The following RGS7 variants were observed in gnomAD, a reference collection of about 807,000 sequenced individuals.
RGS7 encodes regulator of G-protein signaling 7.
Under a neutral mutation model 81.1 loss-of-function variants are expected in RGS7, and 27 were observed. The observed-to-expected ratio is 0.33, with a 90% CI of 0.25 to 0.46. The LOEUF (loss-of-function observed/expected upper bound fraction) is 0.46, where lower values mean the gene tolerates loss of function less well. RGS7 is among the 20% of genes least tolerant of loss of function. RGS7 has a pLI of 1.00. For synonymous variants in RGS7, 208 were observed against 207.7 expected (o/e 1.00, Z -0.01); for missense variants, 396 against 607.4 (o/e 0.65, Z 3.66).
At chr1:240,818,715 T>G (rs1186760241) in intron 10 of RGS7, among the ~76,000 whole-genome samples, 1 of 152,148 alleles carries the variant, frequency 6.6e-6, no homozygotes, top group East Asian at 1.9e-4. Context: ...ACCATAGAAT[T>G]ACACTTATAT....
At chr1:241,288,400 G>A (rs930150624) in intron 2 of RGS7, among the ~76,000 whole-genome samples, 13 of 152,172 alleles carry the variant, frequency 8.5e-5, no homozygotes, top group African/African-American at 1.9e-4. Flanking sequence ...CTTCATCTCC[G>A]AGTGGGTATG....
At chr1:241,204,233 CACCCAAGG>C in intron 2 of RGS7, among the ~76,000 whole-genome samples, 1 of 152,304 alleles carries the variant, frequency 6.6e-6, no homozygotes, top group East Asian at 1.9e-4. Flanking sequence ...TCACAGTCAA[CACCCAAGG>C]AGGAGGGTAA....
chr1:241,318,720 C>T (rs2081036012), intron 2 of RGS7, among the ~76,000 whole-genome samples: 1 of 152,194 alleles, frequency 6.6e-6, no homozygotes, highest in South Asian at 2.1e-4. Flanking sequence ...AGGTGATCCA[C>T]CTGCCTCGGC....
intron 6 of RGS7, among the ~76,000 whole-genome samples, chr1:240,903,573 C>T (rs1352240178): frequency 1.3e-5 from 2 of 151,860 alleles, no homozygotes; most frequent in African/African-American, 4.8e-5. Flanking sequence ...TTATTTTCCC[C>T]ACAACAATGC....
At chr1:240,833,323 T>C (rs972016826) in intron 9 of RGS7, among the ~76,000 whole-genome samples, 1 of 152,204 alleles carries the variant, frequency 6.6e-6, no homozygotes, top group East Asian at 1.9e-4. Flanking sequence ...ATCATGCTAC[T>C]CAGAATGGCA....
At chr1:240,865,558 G>T (rs1663088399) in intron 9 of RGS7, among the ~76,000 whole-genome samples, 1 of 152,130 alleles carries the variant, frequency 6.6e-6, no homozygotes, top group African/African-American at 2.4e-5. Context: ...AATACTACAA[G>T]GTACAAAGAG....
chr1:240,959,373 T>C (rs1454205308), intron 4 of RGS7, among the ~76,000 whole-genome samples: 1 of 152,192 alleles, frequency 6.6e-6, no homozygotes, highest in African/African-American at 2.4e-5. Flanking sequence ...ACACCTAGAC[T>C]ATATGGTATA....
intron 3 of RGS7, among the ~76,000 whole-genome samples, chr1:241,057,640 A>T (rs542669574): frequency 1.2e-3 from 180 of 152,206 alleles, no homozygotes; most frequent in Middle Eastern, 6.8e-3. Context: ...ATAGCTGGGC[A>T]TGGTGGCTCA....
chr1:240,915,667 C>T (rs1198149158), intron 6 of RGS7, among the ~76,000 whole-genome samples: 1 of 152,084 alleles, frequency 6.6e-6, no homozygotes, highest in African/African-American at 2.4e-5. Context: ...TTATTTAGTA[C>T]ATCACATCCT....
intron 2 of RGS7, among the ~76,000 whole-genome samples, chr1:241,336,595 C>T (rs570555590): frequency 6.6e-6 from 1 of 152,308 alleles, no homozygotes; most frequent in East Asian, 1.9e-4. Context: ...TTTCTTAACA[C>T]ACAGATGCAC....
At chr1:240,944,222 C>T (rs142680235) in intron 4 of RGS7, among the ~76,000 whole-genome samples, 268 of 143,272 alleles carry the variant, frequency 1.9e-3, no homozygotes, top group African/African-American at 6.8e-3. Context: ...ATAGGTAGTT[C>T]CATCAGCCAA....
chr1:241,015,973 T>A (rs2059198413), intron 3 of RGS7, among the ~76,000 whole-genome samples: 1 of 152,214 alleles, frequency 6.6e-6, no homozygotes, highest in South Asian at 2.1e-4. Flanking sequence ...TTCACTTTAG[T>A]GTGTAATTTA....
At chr1:240,780,421 C>G (rs1347418870) in intron 18 of RGS7, among the ~76,000 whole-genome samples, 1 of 111,634 alleles carries the variant, frequency 9.0e-6, no homozygotes, top group East Asian at 2.8e-4. Flanking sequence ...GCCTGGGCTA[C>G]AGAGTGAGAC....
At chr1:240,832,420 T>C (rs1044450738) in intron 9 of RGS7, among the ~76,000 whole-genome samples, 1 of 152,182 alleles carries the variant, frequency 6.6e-6, no homozygotes. Context: ...TAAAGTAGGA[T>C]TTAACATTGT....
Position 240,943,796 on chromosome 1 carries a change from T to C in RGS7, c.227-7090A>G, listed in dbSNP as rs112889448. On this transcript the variant is annotated intron_variant, in intron 4 of 18. Coordinates refer to ENST00000440928, the MANE Select transcript of RGS7 (RefSeq NM_001364886.1). ...ACAAAACCATACTGTGAATACCAGA[T>C]GCCAATGAGAGACCTGCCTGCTTTA... Among the ~76,000 whole-genome samples, 929 of 152,186 alleles carry C rather than the reference T, an allele frequency of 6.1e-3. 13 individuals carry two copies. The highest frequency in any genetic ancestry group is 0.021 in the African/African-American group (879 of 41,528).
At chr1:241,343,536 T>C (rs1222218393) in intron 2 of RGS7, among the ~76,000 whole-genome samples, 3 of 152,192 alleles carry the variant, frequency 2.0e-5, no homozygotes, top group Non-Finnish European at 4.4e-5. Context: ...TGGATGAACC[T>C]TGAGGACGTT....
chr1:241,221,535 T>C (rs2075014182), intron 2 of RGS7, among the ~76,000 whole-genome samples: 1 of 152,210 alleles, frequency 6.6e-6, no homozygotes, highest in Non-Finnish European at 1.5e-5. Context: ...ACTGTGATAG[T>C]TACTTTTATG....
intron 9 of RGS7, among the ~76,000 whole-genome samples, chr1:240,853,888 A>G (rs552617128): frequency 9.7e-4 from 124 of 127,336 alleles, no homozygotes; most frequent in Non-Finnish European, 1.7e-3. Context: ...GCGACAGAGC[A>G]AGACTCCGTC....
intron 3 of RGS7, among the ~76,000 whole-genome samples, chr1:241,044,348 G>C (rs1045695942): frequency 1.3e-5 from 2 of 152,080 alleles, no homozygotes; most frequent in African/African-American, 4.8e-5. Context: ...GACCTCAAGT[G>C]ATCTGCCCGC....
Sources: allele counts gnomAD v4.1 joint callset (sites outside exome capture counted in the v4.1 genomes callset), GRCh38; gene constraint gnomAD v4.1.1; transcripts MANE v1.5; gene names NCBI Gene and HGNC (gene_info 2026-07-23, HGNC 2026-07-21).